SGCZ: variants seen among roughly 807,000 people sequenced by gnomAD.
SGCZ encodes the protein zeta-sarcoglycan.
A neutral mutation model predicts 41.3 loss-of-function variants in SGCZ; 40 were observed. The observed-to-expected ratio is 0.97, with a 90% CI of 0.75 to 1.26. The LOEUF is 1.26. Among genes scored for constraint, SGCZ ranks in the 50% most tolerant of loss-of-function variants. SGCZ has a pLI of 0.00. For synonymous variants in SGCZ, 206 were observed against 137.5 expected, an observed-to-expected ratio of 1.50 and a Z score of -3.49; for missense variants, 552 against 369.8, an observed-to-expected ratio of 1.49 and a Z score of -4.04.
chr8:14,207,521 A>C (rs911808915), intron 4 of SGCZ, among the ~76,000 whole-genome samples: 4 of 152,182 alleles, frequency 2.6e-5, no homozygotes, highest in African/African-American at 9.7e-5. Context: ...TCTAGTCAAC[A>C]TTGATCTAGT....
intron 1 of SGCZ, among the ~76,000 whole-genome samples, chr8:14,649,684 G>A (rs1309996235): frequency 2.6e-5 from 4 of 152,130 alleles, no homozygotes; most frequent in East Asian, 1.9e-4. Context: ...TGCTAAACAC[G>A]TAGATTTCCA....
chr8:14,096,922 G>A (rs1160809346), intron 7 of SGCZ, among the ~76,000 whole-genome samples: 1 of 152,028 alleles, frequency 6.6e-6, no homozygotes, highest in Non-Finnish European at 1.5e-5. Flanking sequence ...CTAGTAGTTT[G>A]TATTACTGTG....
At chr8:15,156,902 A>T (rs934410954) in intron 1 of SGCZ, among the ~76,000 whole-genome samples, 5 of 151,252 alleles carry the variant, frequency 3.3e-5, no homozygotes, top group African/African-American at 9.7e-5. Flanking sequence ...CCGAGCATGC[A>T]GCATCGCACT....
intron 1 of SGCZ, among the ~76,000 whole-genome samples, chr8:14,967,257 T>A (rs1041255026): frequency 2.0e-5 from 3 of 152,082 alleles, no homozygotes; most frequent in African/African-American, 7.2e-5. Context: ...ACCTGGAAAG[T>A]CTAATAAACA....
intron 2 of SGCZ, among the ~76,000 whole-genome samples, chr8:14,378,541 G>C (rs945735313): frequency 2.0e-5 from 3 of 152,032 alleles, no homozygotes; most frequent in African/African-American, 7.2e-5. Flanking sequence ...CTGACAAAGG[G>C]CTAATATCCA....
At chr8:14,794,238 G>A (rs913634846) in intron 1 of SGCZ, among the ~76,000 whole-genome samples, 1 of 152,018 alleles carries the variant, frequency 6.6e-6, no homozygotes, top group East Asian at 1.9e-4. Context: ...AAAATAATAT[G>A]CACAAAGCTA....
intron 2 of SGCZ, among the ~76,000 whole-genome samples, chr8:14,351,565 T>A (rs1256299344): frequency 6.6e-6 from 1 of 151,108 alleles, no homozygotes; most frequent in Non-Finnish European, 1.5e-5. Flanking sequence ...TAGAAGGATA[T>A]ATAATATATA....
chr8:14,758,514 T>A lies in SGCZ; in HGVS notation c.40-203588A>T, dbSNP rs145695274. 2.0e-3 allele frequency among the ~76,000 whole-genome samples: 312 copies of A among 152,258 alleles called. 2 individuals are homozygous for A. Among genetic ancestry groups the A allele is most frequent in the African/African-American group, 7.1e-3 (295 of 41,530 alleles). On this transcript the variant is annotated intron_variant, in intron 1 of 7. Coordinates refer to ENST00000382080, the MANE Select transcript of SGCZ (RefSeq NM_139167.4). Reference sequence around the variant, plus strand: ...AATTGGTTTCTAATTAGAAGTTGAATCATTCCTGAGAAATCTGGGACACCG... The same window carrying A: ...AATTGGTTTCTAATTAGAAGTTGAAACATTCCTGAGAAATCTGGGACACCG...
chr8:14,162,802 G>A (rs1476378257), intron 5 of SGCZ: 1 of 152,128 alleles, frequency 6.6e-6, no homozygotes, highest in East Asian at 1.9e-4. Context: ...TCAGGCCAGG[G>A]GATACCCAGT....
At chr8:14,767,958 T>A (rs1052799631) in intron 1 of SGCZ, among the ~76,000 whole-genome samples, 1 of 152,160 alleles carries the variant, frequency 6.6e-6, no homozygotes, top group Admixed American at 6.5e-5. Flanking sequence ...GAATCTTGAG[T>A]AAGAAAATCC....
At chr8:14,791,323 G>A (rs200118873) in intron 1 of SGCZ, among the ~76,000 whole-genome samples, 4 of 151,932 alleles carry the variant, frequency 2.6e-5, no homozygotes, top group East Asian at 1.9e-4. Flanking sequence ...TATGCATCCC[G>A]TTTGCATTGG....
At chr8:14,192,470 C>A (rs1283344467) in intron 4 of SGCZ, among the ~76,000 whole-genome samples, 2 of 151,746 alleles carry the variant, frequency 1.3e-5, no homozygotes, top group African/African-American at 4.8e-5. Flanking sequence ...CATTAAGATA[C>A]TGAAAGTCTT....
At chr8:15,028,548 T>C (rs1190926035) in intron 1 of SGCZ, among the ~76,000 whole-genome samples, 1 of 146,248 alleles carries the variant, frequency 6.8e-6, no homozygotes, top group African/African-American at 2.6e-5. Flanking sequence ...AACACTATCG[T>C]CTTTCTAAGT....
chr8:14,113,551 G>GTTTTT (rs150380182), intron 5 of SGCZ, among the ~76,000 whole-genome samples: 2 of 151,872 alleles, frequency 1.3e-5, no homozygotes, highest in African/African-American at 4.8e-5. Context: ...TTCTCCTTTT[G>GTTTTT]TTTTTTAATT....
At chr8:14,902,662 C>T (rs1363310792) in intron 1 of SGCZ, among the ~76,000 whole-genome samples, 1 of 152,076 alleles carries the variant, frequency 6.6e-6, no homozygotes, top group Non-Finnish European at 1.5e-5. Context: ...TGAAATTAGC[C>T]TAGTCCTGAC....
At chr8:15,053,820 C>T (rs1804608429) in intron 1 of SGCZ, among the ~76,000 whole-genome samples, 1 of 152,152 alleles carries the variant, frequency 6.6e-6, no homozygotes, top group African/African-American at 2.4e-5. Flanking sequence ...AAATCACTTT[C>T]TACCATTTAT....
intron 5 of SGCZ, among the ~76,000 whole-genome samples, chr8:14,126,235 A>G (rs1802855562): frequency 6.6e-6 from 1 of 152,256 alleles, no homozygotes; most frequent in Admixed American, 6.5e-5. Context: ...TACCCATTTG[A>G]CAAATGTCTA....
At chr8:14,384,500 T>C (rs902412652) in intron 2 of SGCZ, among the ~76,000 whole-genome samples, 4 of 152,208 alleles carry the variant, frequency 2.6e-5, no homozygotes, top group Non-Finnish European at 5.9e-5. Flanking sequence ...TATAGGGAAA[T>C]ATTTTATTTA....
chr8:14,542,589 T>C (rs1165665063), intron 2 of SGCZ, among the ~76,000 whole-genome samples: 1 of 152,090 alleles, frequency 6.6e-6, no homozygotes, highest in African/African-American at 2.4e-5. Context: ...TTCTATTTCC[T>C]ATTTCTGAAC....
Sources: allele counts gnomAD v4.1 joint callset (sites outside exome capture counted in the v4.1 genomes callset), GRCh38; gene constraint gnomAD v4.1.1; transcripts MANE v1.5; gene names NCBI Gene and HGNC (gene_info 2026-07-23, HGNC 2026-07-21).